PRLR: variants seen among roughly 807,000 people sequenced by gnomAD.
PRLR encodes the protein hPRL receptor.
In PRLR, 13 loss-of-function variants were observed where a neutral mutation model predicts 40.2. The ratio of observed to expected loss-of-function variants is 0.32; its 90% CI spans 0.21 to 0.51. PRLR has a LOEUF of 0.51. Among genes scored for constraint, PRLR ranks in the 20% least tolerant of loss-of-function variants. PRLR has a pLI of 0.97. For missense variants in PRLR, 656 were observed against 747.3 expected (o/e 0.88, Z 1.42); for synonymous variants, 269 against 278.7 (o/e 0.97, Z 0.35).
At chr5:35,138,544 A>G (rs1773924643) in intron 1 of PRLR, among the ~76,000 whole-genome samples, 1 of 152,244 alleles carries the variant, frequency 6.6e-6, no homozygotes. Context: ...TGGTTTCATT[A>G]GTCATGTGAA....
chr5:35,093,783 C>T (rs1561291064), intron 2 of PRLR, among the ~76,000 whole-genome samples: 2 of 152,168 alleles, frequency 1.3e-5, no homozygotes, highest in Non-Finnish European at 2.9e-5. Context: ...ATGGTGGTCC[C>T]ATAAGATTAT....
intron 1 of PRLR, 32 bp from the exon 2 acceptor site, chr5:35,118,154 A>G: frequency 1.0e-6 from 1 of 967,288 alleles, no homozygotes; most frequent in Non-Finnish European, 1.2e-6. Flanking sequence ...TTTAGCTCCA[A>G]GATGACAAAA....
intron 1 of PRLR, among the ~76,000 whole-genome samples, chr5:35,156,051 T>C (rs1373823037): frequency 6.6e-6 from 1 of 150,944 alleles, no homozygotes; most frequent in Non-Finnish European, 1.5e-5. Context: ...ATACAGTTTA[T>C]AAGTGTGTTT....
chr5:35,174,372 G>A (rs1775087135), intron 1 of PRLR, among the ~76,000 whole-genome samples: 2 of 152,188 alleles, frequency 1.3e-5, no homozygotes, highest in South Asian at 2.1e-4. Context: ...TTACAGGCGT[G>A]AGCCACCATG....
At chr5:35,143,937 A>T (rs1303816152) in intron 1 of PRLR, among the ~76,000 whole-genome samples, 1 of 151,554 alleles carries the variant, frequency 6.6e-6, no homozygotes, top group Non-Finnish European at 1.5e-5. Context: ...AAAAAAAATC[A>T]TGGGCCCGAT....
Position 35,064,793 on chromosome 5 carries a change from G to A in PRLR, c.*296C>T. 1 of 319,988 alleles carries A rather than the reference G, an allele frequency of 3.1e-6. No homozygotes were observed. Among genetic ancestry groups the A allele is most frequent in the Non-Finnish European group, 5.7e-6 (1 of 175,252 alleles). The allele number at this position is 319,988 out of a possible 1,614,324, so 19.8% of individuals were successfully genotyped here. ...CAAATCATGAAAGCCTTTTCCAGAGGATATACCTATTGGCATTGTCCCTCA... is the reference window on the plus strand; with the variant it reads ...CAAATCATGAAAGCCTTTTCCAGAGAATATACCTATTGGCATTGTCCCTCA... On this transcript the variant is annotated 3_prime_UTR_variant, in exon 10 of 10. Coordinates refer to ENST00000618457, the MANE Select transcript of PRLR (RefSeq NM_000949.7).
chr5:35,223,931 C>T (rs1776485101), intron 1 of PRLR, among the ~76,000 whole-genome samples: 1 of 152,128 alleles, frequency 6.6e-6, no homozygotes, highest in African/African-American at 2.4e-5. Flanking sequence ...GCTGGGAAAG[C>T]TCATTATTTT....
rs13155498 is a variant in PRLR, at chr5:35,102,517, T to C, written c.-43-12854A>G. Reference sequence around the variant, plus strand: ...TCTCCACTCCTCTCCTCTCCTCTCCTCTCCTCTCCTCTCCTCTCCTCTCCT... The same window carrying C: ...TCTCCACTCCTCTCCTCTCCTCTCCCCTCCTCTCCTCTCCTCTCCTCTCCT... On this transcript the variant is annotated intron_variant, in intron 2 of 9. Transcript: ENST00000618457. Among the ~76,000 whole-genome samples, 38 of 116,002 alleles carry C rather than the reference T, an allele frequency of 3.3e-4. No individual in the cohort carries two copies. The East Asian group carries it at 3.4e-3, about 10-fold the overall frequency. 76.1% of individuals were successfully genotyped at this position (116,002 alleles called of 152,430 possible).
At chr5:35,092,989 C>T (rs907744782) in intron 2 of PRLR, among the ~76,000 whole-genome samples, 5 of 152,162 alleles carry the variant, frequency 3.3e-5, no homozygotes, top group Admixed American at 6.5e-5. Flanking sequence ...GTGGTATGAA[C>T]GCCAAGAAAA....
Position 35,058,564 on chromosome 5 carries a change from G to T in PRLR, c.*6525C>A, listed in dbSNP as rs201299827. 1 of 152,156 alleles carries T rather than the reference G, an allele frequency of 6.6e-6. No homozygotes were observed. The highest frequency in any genetic ancestry group is 1.5e-5 in the Non-Finnish European group (1 of 68,024). 9.4% of individuals were successfully genotyped at this position (152,156 alleles called of 1,614,324 possible). On this transcript the variant is annotated 3_prime_UTR_variant, in exon 10 of 10. Coordinates refer to ENST00000618457, the MANE Select transcript of PRLR (RefSeq NM_000949.7). Reference sequence around the variant, plus strand: ...ACATAGAATCTTTCTTCTAGACAAAGATTAGGAAAAAATTAGTACATTCAC... The same window carrying T: ...ACATAGAATCTTTCTTCTAGACAAATATTAGGAAAAAATTAGTACATTCAC...
chr5:35,181,169 C>A (rs1775287587), intron 1 of PRLR, among the ~76,000 whole-genome samples: 1 of 152,152 alleles, frequency 6.6e-6, no homozygotes. Context: ...TATCTAGCAA[C>A]CAGCTAACCT....
At chr5:35,188,714 T>C (rs1775514476) in intron 1 of PRLR, among the ~76,000 whole-genome samples, 1 of 152,210 alleles carries the variant, frequency 6.6e-6, no homozygotes, top group Non-Finnish European at 1.5e-5. Flanking sequence ...AGATGTAAAT[T>C]ACTGGCGAGG....
At position 35,067,281 on chromosome 5, in the gene PRLR, A is replaced by T. The variant is rs191896147; in HGVS notation, c.855+935T>A. On this transcript the variant is annotated intron_variant, in intron 9 of 9. Transcript: ENST00000618457. Reference sequence around the variant, plus strand: ...TACTAACACATATTTTTGAGACAAAAGTAGCTATTTTATCGTTAAGTCTCT... The same window carrying T: ...TACTAACACATATTTTTGAGACAAATGTAGCTATTTTATCGTTAAGTCTCT... Among the ~76,000 whole-genome samples, 17 of 152,344 alleles carry T rather than the reference A, an allele frequency of 1.1e-4. No individual in the cohort carries two copies. In the East Asian group the frequency reaches 3.3e-3, roughly 29 times the overall value.
intron 1 of PRLR, among the ~76,000 whole-genome samples, chr5:35,142,030 G>T (rs1220183346): frequency 6.6e-6 from 1 of 152,170 alleles, no homozygotes; most frequent in Non-Finnish European, 1.5e-5. Context: ...GGAAAAAATG[G>T]CAATTCTCGA....
intron 1 of PRLR, among the ~76,000 whole-genome samples, chr5:35,166,991 C>T (rs1164786696): frequency 3.9e-5 from 6 of 152,128 alleles, no homozygotes; most frequent in Middle Eastern, 3.4e-3. Context: ...GTTCAATTGG[C>T]CTGACATTCA....
At chr5:35,154,972 C>A (rs1190188419) in intron 1 of PRLR, among the ~76,000 whole-genome samples, 1 of 151,342 alleles carries the variant, frequency 6.6e-6, no homozygotes, top group African/African-American at 2.4e-5. Flanking sequence ...GACCAACACA[C>A]ACTGGAGCCT....
At chr5:35,183,157 C>A (rs1424250804) in intron 1 of PRLR, among the ~76,000 whole-genome samples, 1 of 152,182 alleles carries the variant, frequency 6.6e-6, no homozygotes, top group Admixed American at 6.5e-5. Context: ...TGTCCACTCA[C>A]TGCAGAGAGC....
At chr5:35,141,328 C>G (rs1379170414) in intron 1 of PRLR, among the ~76,000 whole-genome samples, 1 of 151,918 alleles carries the variant, frequency 6.6e-6, no homozygotes, top group South Asian at 2.1e-4. Flanking sequence ...AACAGACACA[C>G]TATCCTAAGG....
At position 35,227,880 on chromosome 5, in the gene PRLR, A is replaced by G. The variant is rs2111696913; in HGVS notation, c.-106+2388T>C. ...GCACAGCACTAGCTGTTTTGTACTC[A>G]AGATTATGGGTCAAAAGAGAACTGA... is the stretch of plus-strand genomic sequence containing the variant. On this transcript the variant is annotated intron_variant, in intron 1 of 9. Transcript: ENST00000618457. Among the ~76,000 whole-genome samples the G allele has an allele frequency of 2.6e-5, 4 of 152,284 alleles. No homozygotes were observed. The South Asian group carries it at 8.3e-4, about 32-fold the overall frequency.
Sources: allele counts gnomAD v4.1 joint callset (sites outside exome capture counted in the v4.1 genomes callset), GRCh38; gene constraint gnomAD v4.1.1; transcripts MANE v1.5; gene names NCBI Gene and HGNC (gene_info 2026-07-23, HGNC 2026-07-21).